Variants in EMC3 observed in about 807,000 individuals in gnomAD.
EMC3 encodes the protein ER membrane protein complex subunit 3, also known as 30 kDa protein.
Under a neutral mutation model 36.6 loss-of-function variants are expected in EMC3, and 13 were observed. That is an observed-to-expected ratio of 0.35 (90% confidence interval 0.23 to 0.56). The LOEUF (loss-of-function observed/expected upper bound fraction) is 0.56. Among genes scored for constraint, EMC3 ranks in the 20% least tolerant of loss-of-function variants. The probability of loss-of-function intolerance (pLI) is 0.84; values close to 1 mark genes in which losing one functional copy is unlikely to be tolerated. For synonymous variants in EMC3, 120 were observed against 111.9 expected (o/e 1.07, Z -0.46); for missense variants, 220 against 324.5 (o/e 0.68, Z 2.47).
chr3:9,992,962 G>A, intron 1 of EMC3: 9 of 1,608,776 alleles, frequency 5.6e-6, no homozygotes, highest in African/African-American at 1.3e-5. Flanking sequence ...ATTCGATCAG[G>A]CTGCATTCAA....
rs61596273 is a variant in EMC3 at position 9,963,477 on chromosome 3, A to ATATATATATTTTTT, written c.*591_*592insAAAAAATATATATA. ...TAGATATATATATATATATATATATATTTTTTTTTTTTTTTCAGATGGAGT... is the reference window on the plus strand; with the variant it reads ...TAGATATATATATATATATATATATATATATATATTTTTTTTTTTTTTTTTTTTTCAGATGGAGT... On this transcript the variant is annotated 3_prime_UTR_variant, in exon 8 of 8. Transcript: ENST00000245046. The ATATATATATTTTTT allele has an allele frequency of 4.5e-5, 4 of 88,922 alleles. No individual in the cohort carries two copies. The highest frequency in any genetic ancestry group is 1.3e-4 in the Admixed American group (1 of 7,864). The allele number at this position is 88,922 out of a possible 1,614,324, so 5.5% of individuals were successfully genotyped here.
chr3:10,008,262 C>T (rs1296665487), intron 1 of EMC3: 1 of 538,158 alleles, frequency 1.9e-6, no homozygotes, highest in Non-Finnish European at 3.2e-6. Flanking sequence ...TGGCTGTGAC[C>T]TGTGGTAGAG....
chr3:9,969,407 T>C (rs1575673392), intron 7 of EMC3: 2 of 1,246,386 alleles, frequency 1.6e-6, no homozygotes, highest in African/African-American at 3.1e-5. Flanking sequence ...CTGATGTCTA[T>C]GGGGTTCAAA....
At chr3:9,991,921 G>A (rs2086057880) in intron 1 of EMC3, among the ~76,000 whole-genome samples, 1 of 152,096 alleles carries the variant, frequency 6.6e-6, no homozygotes, top group Non-Finnish European at 1.5e-5. Flanking sequence ...TCCTGCGCAT[G>A]TGCAGTTCAC....
At chr3:9,989,224 C>G (rs1222551722), upstream of EMC3, among the ~76,000 whole-genome samples, 1 of 152,194 alleles carries the variant, frequency 6.6e-6, no homozygotes, top group Non-Finnish European at 1.5e-5. Context: ...GATCTTATGT[C>G]TCTATTAATT....
At chr3:9,990,325 CTTTTTTTTTTTTT>C (rs4020037), upstream of EMC3, among the ~76,000 whole-genome samples, 1 of 88,706 alleles carries the variant, frequency 1.1e-5, no homozygotes, top group Non-Finnish European at 2.0e-5. Flanking sequence ...GGGCCTTTCT[CTTTTTTTTTTTTT>C]TTTTTTTTTT....
intron 1 of EMC3, chr3:10,007,406 T>C: frequency 7.4e-7 from 1 of 1,353,932 alleles, no homozygotes. Flanking sequence ...CTGGGGTCAG[T>C]GGCGGGGTGT....
chr3:9,983,251 G>A (rs1342684620), intron 1 of EMC3, among the ~76,000 whole-genome samples: 1 of 151,646 alleles, frequency 6.6e-6, no homozygotes, highest in African/African-American at 2.4e-5. Flanking sequence ...AGGTTCATGT[G>A]ATTCTCCTGC....
chr3:9,967,180 G>A (rs553893362), intron 7 of EMC3, among the ~76,000 whole-genome samples: 5 of 152,092 alleles, frequency 3.3e-5, no homozygotes, highest in African/African-American at 1.2e-4. Context: ...TGACCCATTT[G>A]ATTTCTTTTT....
At chr3:9,986,076 G>A (rs916336494) in intron 1 of EMC3, among the ~76,000 whole-genome samples, 6 of 152,106 alleles carry the variant, frequency 3.9e-5, no homozygotes, top group Admixed American at 2.6e-4. Context: ...CCCGACGCCT[G>A]GAACAGTAAT....
At chr3:9,997,100 G>A (rs1233675431) in intron 1 of EMC3, among the ~76,000 whole-genome samples, 1 of 151,868 alleles carries the variant, frequency 6.6e-6, no homozygotes, top group Admixed American at 6.6e-5. Context: ...CCTCTCCCCA[G>A]CCCCTAATAA....
intron 1 of EMC3, chr3:10,001,022 TTTG>T (rs1416972060): frequency 8.1e-6 from 2 of 247,996 alleles, no homozygotes; most frequent in African/African-American, 2.2e-5. Context: ...CTTTACTTTT[TTTG>T]TTGTTGTTGC....
chr3:9,985,300 TG>T (rs1476058757), intron 1 of EMC3, among the ~76,000 whole-genome samples: 1 of 152,234 alleles, frequency 6.6e-6, no homozygotes, highest in African/African-American at 2.4e-5. Flanking sequence ...CACTGTTACC[TG>T]TGAAAAGTTC....
chr3:9,965,839 A>G (rs2085731747), intron 7 of EMC3, among the ~76,000 whole-genome samples: 1 of 152,160 alleles, frequency 6.6e-6, no homozygotes, highest in African/African-American at 2.4e-5. Flanking sequence ...GCTGAATAAC[A>G]CTCCATTGTA....
In EMC3 at chr3:9,980,554, G is replaced by GTT. The variant is rs71052282; in HGVS notation, c.156-3110_156-3109dup. 6.2e-3 allele frequency among the ~76,000 whole-genome samples: 818 copies of GTT among 130,914 alleles called. 9 individuals carry two copies. Among genetic ancestry groups the GTT allele is most frequent in the Non-Finnish European group, 7.0e-3 (429 of 61,664 alleles). The allele number at this position is 130,914 out of a possible 152,430, so 85.9% of individuals were successfully genotyped here. A position where few individuals can be genotyped will look rare whatever the true frequency, so the allele number is the denominator to read the frequency against. On this transcript the variant is annotated intron_variant, in intron 1 of 7. Coordinates refer to ENST00000245046, the MANE Select transcript of EMC3 (RefSeq NM_001394674.1). ...CAAACTTTTGTGTTTTGTTTTTTTT[G>GTT]TTTTTTTTTTTTTTGTAGAGACAGG...
intron 1 of EMC3, among the ~76,000 whole-genome samples, chr3:9,997,943 A>C (rs944867887): frequency 1.3e-5 from 2 of 152,094 alleles, no homozygotes; most frequent in Non-Finnish European, 2.9e-5. Flanking sequence ...CATGTGATGA[A>C]CATATGTTTA....
intron 1 of EMC3, among the ~76,000 whole-genome samples, chr3:9,992,087 CT>C (rs1023276895): frequency 8.5e-5 from 13 of 152,162 alleles, no homozygotes; most frequent in South Asian, 6.2e-4. Context: ...TTGGGGACCC[CT>C]GATCTACCTT....
Position 9,977,054 on chromosome 3 carries a change from G to GA in EMC3, c.214-5_214-4insT. 1.4e-6 allele frequency: 2 copies of GA among 1,467,718 alleles called. No individual in the cohort carries two copies. The highest frequency in any genetic ancestry group is 1.2e-5 in the South Asian group (1 of 81,970). The allele number at this position is 1,467,718 out of a possible 1,614,324, so 90.9% of individuals were successfully genotyped here. A position where few individuals can be genotyped will look rare whatever the true frequency, so the allele number is the denominator to read the frequency against. On this transcript the variant is annotated splice_region_variant and splice_polypyrimidine_tract_variant and intron_variant, in intron 2 of 7. Coordinates refer to ENST00000245046, the MANE Select transcript of EMC3 (RefSeq NM_001394674.1). ...AATATTTTCGTGTCAAGAAAGACTA[G>GA]TAAAAAAAAAAAAAAGTGTTTTAAG...
At chr3:9,997,891 G>A (rs1372517188) in intron 1 of EMC3, among the ~76,000 whole-genome samples, 1 of 152,086 alleles carries the variant, frequency 6.6e-6, no homozygotes, top group African/African-American at 2.4e-5. Flanking sequence ...TTGAGTCCCT[G>A]TTTTCGGTTC....
Sources: allele counts gnomAD v4.1 joint callset (sites outside exome capture counted in the v4.1 genomes callset), GRCh38; gene constraint gnomAD v4.1.1; transcripts MANE v1.5; gene names NCBI Gene and HGNC (gene_info 2026-07-23, HGNC 2026-07-21).